Variants in DGKH observed in about 807,000 individuals in gnomAD.
The protein encoded by DGKH is DAG kinase eta.
In DGKH, 90 loss-of-function variants were observed where a neutral mutation model predicts 159.3. The observed-to-expected ratio is 0.57, with a 90% CI of 0.48 to 0.67. The LOEUF (loss-of-function observed/expected upper bound fraction) is 0.67. DGKH is among the 30% of genes least tolerant of loss of function. The probability of loss-of-function intolerance (pLI) is 0.00; values close to 1 mark genes in which losing one functional copy is unlikely to be tolerated. For missense variants in DGKH, 1,181 were observed against 1,506.1 expected (o/e 0.78, Z 3.57); for synonymous variants, 536 against 553.8 (o/e 0.97, Z 0.45).
At chr13:42,158,211 A>G (rs974549150) in intron 5 of DGKH, among the ~76,000 whole-genome samples, 3 of 152,234 alleles carry the variant, frequency 2.0e-5, no homozygotes, top group Non-Finnish European at 4.4e-5. Context: ...TCCAATTAAG[A>G]CAGTTTCAAG....
In DGKH at chr13:42,085,387, G is replaced by T. The variant is rs138415210; in HGVS notation, c.192+36422G>T. On this transcript the variant is annotated intron_variant, in intron 1 of 29. Transcript: ENST00000337343. The stretch of plus-strand genomic sequence containing the variant: ...TCTAGAAGCTGCCCAGAAATGCCAT[G>T]GTTCCATGGAATACACTCTGAGATA... Among the ~76,000 whole-genome samples, 1,170 of 152,210 alleles carry T rather than the reference G, an allele frequency of 7.7e-3. 11 individuals are homozygous for T. The highest frequency in any genetic ancestry group is 0.026 in the African/African-American group (1,081 of 41,532).
chr13:42,124,901 C>G (rs1026899335), intron 1 of DGKH, among the ~76,000 whole-genome samples: 1 of 152,176 alleles, frequency 6.6e-6, no homozygotes, highest in Non-Finnish European at 1.5e-5. Flanking sequence ...GCAAGATTTT[C>G]TCCTGACACC....
At chr13:42,227,730 A>G (rs1036944302) in intron 29 of DGKH, among the ~76,000 whole-genome samples, 8 of 152,210 alleles carry the variant, frequency 5.3e-5, no homozygotes, top group Admixed American at 2.0e-4. Flanking sequence ...AAGTTTGACA[A>G]TAGCATTGGC....
rs1050579176 is a variant in DGKH, at chr13:42,230,670, A to G, written c.*1482A>G. On this transcript the variant is annotated 3_prime_UTR_variant, in exon 30 of 30. Coordinates refer to ENST00000337343, the MANE Select transcript of DGKH (RefSeq NM_178009.5). The stretch of plus-strand genomic sequence containing the variant: ...GATATATATACACACAGATATATAC[A>G]TATACACATATATGTGTATATATAC... 1 of 152,082 alleles carries G rather than the reference A, an allele frequency of 6.6e-6. No individual in the cohort carries two copies. The highest frequency in any genetic ancestry group is 2.4e-5 in the African/African-American group (1 of 41,424). The allele number at this position is 152,082 out of a possible 1,614,324, so 9.4% of individuals were successfully genotyped here. A position where few individuals can be genotyped will look rare whatever the true frequency, so the allele number is the denominator to read the frequency against.
chr13:42,173,483 C>G (rs1295914476), intron 11 of DGKH, among the ~76,000 whole-genome samples: 1 of 150,564 alleles, frequency 6.6e-6, no homozygotes, highest in Non-Finnish European at 1.5e-5. Flanking sequence ...TTTCCCCCTA[C>G]TCTCATGCTT....
chr13:42,078,958 C>T (rs1954149611), intron 1 of DGKH, among the ~76,000 whole-genome samples: 1 of 141,940 alleles, frequency 7.0e-6, no homozygotes, highest in Admixed American at 7.2e-5. Flanking sequence ...CTCTGTTGCC[C>T]AGAGTGCAGT....
At chr13:42,256,473 ATC>A in exon 31 of DGKH, 1 of 1,317,670 alleles carries the variant, frequency 7.6e-7, no homozygotes, top group Non-Finnish European at 1.1e-6. Context: ...GAACTTGGCT[ATC>A]TCACACCAGA....
intron 1 of DGKH, among the ~76,000 whole-genome samples, chr13:42,050,229 G>C (rs900548152): frequency 2.0e-4 from 31 of 152,096 alleles, no homozygotes; most frequent in Non-Finnish European, 5.9e-5. Context: ...AAATTAGCTG[G>C]GCTTTGAGGC....
At chr13:42,126,046 C>T (rs1955163996) in intron 1 of DGKH, among the ~76,000 whole-genome samples, 1 of 152,058 alleles carries the variant, frequency 6.6e-6, no homozygotes, top group Non-Finnish European at 1.5e-5. Context: ...CTATTTGAGC[C>T]AGTGTTGTGA....
intron 29 of DGKH, among the ~76,000 whole-genome samples, chr13:42,226,979 A>C (rs1958149746): frequency 6.6e-6 from 1 of 152,198 alleles, no homozygotes; most frequent in Non-Finnish European, 1.5e-5. Context: ...ATGGAGCTGG[A>C]AGTCATTGTC....
chr13:42,213,365 T>A (rs1006235832), intron 24 of DGKH, among the ~76,000 whole-genome samples: 3 of 152,154 alleles, frequency 2.0e-5, no homozygotes, highest in African/African-American at 7.2e-5. Context: ...GGAGTAGGTA[T>A]TAGAAGGAAA....
intron 1 of DGKH, among the ~76,000 whole-genome samples, chr13:42,063,183 T>C (rs774252752): frequency 1.1e-4 from 16 of 152,212 alleles, no homozygotes; most frequent in Non-Finnish European, 2.2e-4. Context: ...GACCTATTTT[T>C]TTTTTTGAAG....
At chr13:42,245,805 G>A (rs1003627330), downstream of DGKH, among the ~76,000 whole-genome samples, 1 of 151,970 alleles carries the variant, frequency 6.6e-6, no homozygotes, top group African/African-American at 2.4e-5. Context: ...GGCTGGTCTC[G>A]AACCCCTGAC....
At chr13:42,106,391 G>C (rs1046626883) in intron 1 of DGKH, among the ~76,000 whole-genome samples, 1 of 152,092 alleles carries the variant, frequency 6.6e-6, no homozygotes, top group East Asian at 1.9e-4. Context: ...GCAAGCCTTC[G>C]AGTCCTGCCT....
intron 1 of DGKH, among the ~76,000 whole-genome samples, chr13:42,071,753 G>T (rs1882983722): frequency 6.6e-6 from 1 of 152,224 alleles, no homozygotes; most frequent in African/African-American, 2.4e-5. Context: ...CATCAAGAGA[G>T]TGCAGGCCCC....
chr13:42,153,594 G>T (rs562034933), intron 3 of DGKH, among the ~76,000 whole-genome samples: 1 of 152,214 alleles, frequency 6.6e-6, no homozygotes, highest in Admixed American at 6.5e-5. Flanking sequence ...CTGAAATGCT[G>T]TGCCAGTCAT....
chr13:42,248,080 A>G (rs1462998172), intron 29 of DGKH, among the ~76,000 whole-genome samples: 1 of 152,118 alleles, frequency 6.6e-6, no homozygotes, highest in East Asian at 1.9e-4. Context: ...CTCGCCATTC[A>G]CTCACTGACT....
intron 3 of DGKH, among the ~76,000 whole-genome samples, chr13:42,132,065 T>C (rs980643465): frequency 1.3e-5 from 2 of 152,208 alleles, no homozygotes; most frequent in Admixed American, 6.5e-5. Context: ...AGAATAATCG[T>C]CTCTCTGCTG....
intron 1 of DGKH, among the ~76,000 whole-genome samples, chr13:42,052,486 TGAAAGTGGTGCTGATGCAG>T (rs1376990655): frequency 6.6e-6 from 1 of 152,232 alleles, no homozygotes; most frequent in Non-Finnish European, 1.5e-5. Flanking sequence ...TGTACAAAAG[TGAAAGTGGTGCTGATGCAG>T]GAAAGCCAAA....
Sources: gnomAD v4.1 joint callset for allele counts (sites outside exome capture counted in the v4.1 genomes callset) on GRCh38, gnomAD v4.1.1 for gene constraint, MANE v1.5 for transcripts, NCBI Gene and HGNC (gene_info 2026-07-23, HGNC 2026-07-21) for gene names.